Variants in TRMU observed in about 807,000 individuals in gnomAD.
TRMU encodes tRNA mitochondrial 2-thiouridylase, also known as mitochondrial tRNA-specific 2-thiouridylase 1.
In TRMU, 49 loss-of-function variants were observed where a neutral mutation model predicts 46.9. That is an observed-to-expected ratio of 1.05 (90% CI 0.83 to 1.33). The LOEUF (loss-of-function observed/expected upper bound fraction) is 1.33, where lower values mean the gene tolerates loss of function less well. Ranked by LOEUF, TRMU falls within the 40% of genes most tolerant of loss-of-function variation. The pLI, the probability that TRMU is intolerant of heterozygous loss-of-function variation, is 0.00. For synonymous variants in TRMU, 241 were observed against 200.9 expected (o/e 1.20, Z -1.69); for missense variants, 572 against 532.4 (o/e 1.07, Z -0.73).
At chr22:46,356,570 C>A (rs1053848049) in intron 10 of TRMU, 16 of 530,608 alleles carry the variant, frequency 3.0e-5, no homozygotes, top group Non-Finnish European at 4.8e-5. Context: ...GGTGCAGAGA[C>A]CTGCCAGTCC....
At position 46,347,831 on chromosome 22, in the gene TRMU, C is replaced by G. The variant is rs1569074184; in HGVS notation, c.478+1287C>G. Among the ~76,000 whole-genome samples the G allele has an allele frequency of 6.6e-6, 1 of 152,208 alleles. No individual in the cohort carries two copies. The highest frequency in any genetic ancestry group is 1.9e-4 in the East Asian group (1 of 5,198). ...CCTGCTGCTTCTGCTGGGTCAGGCC[C>G]CAGCTGAGTTCTTTCCTCAGCGTTG... On this transcript the variant is annotated intron_variant, in intron 4 of 10. Transcript: ENST00000645190. This position sits in a 1 kb window ranked among gnomAD's most constrained non-coding sequence, Gnocchi z 5.0.
At chr22:46,345,627 T>C (rs111614200) in intron 3 of TRMU, among the ~76,000 whole-genome samples, 1,584 of 152,328 alleles carry the variant, frequency 0.01, 33 homozygotes, top group African/African-American at 0.036. Context: ...CGTGGAATCA[T>C]GGTGTTACAT....
At chr22:46,340,019 G>T (rs551095360) in intron 2 of TRMU, among the ~76,000 whole-genome samples, 1 of 152,258 alleles carries the variant, frequency 6.6e-6, no homozygotes, top group South Asian at 2.1e-4. Context: ...AAGTGCTGTT[G>T]CTGGAGATTT....
chr22:46,343,482 C>G (rs929608635), intron 3 of TRMU, 114 bp downstream of exon 3: 1 of 784,814 alleles, frequency 1.3e-6, no homozygotes, highest in Non-Finnish European at 2.1e-6. Context: ...ACCTCCTGGG[C>G]TCAAGAGATT....
At chr22:46,345,436 T>C (rs2078227490) in intron 3 of TRMU, among the ~76,000 whole-genome samples, 1 of 152,224 alleles carries the variant, frequency 6.6e-6, no homozygotes, top group Non-Finnish European at 1.5e-5. Context: ...TGTTAGGCTC[T>C]TTGGCTTTGT....
In TRMU at chr22:46,347,386, CT is replaced by C. The variant is rs1400649388; in HGVS notation, c.478+843del. On this transcript the variant is annotated intron_variant, in intron 4 of 10. Coordinates refer to ENST00000645190, the MANE Select transcript of TRMU (RefSeq NM_018006.5). This position sits in a 1 kb window ranked among gnomAD's most constrained non-coding sequence, Gnocchi z 5.0. The stretch of plus-strand genomic sequence containing the variant: ...TATTTTTTTGAGAGAGGATCTCACT[CT>C]GTCAACCGGGCTGGAGTACAGTGGC... The C allele has an allele frequency of 6.6e-6, 1 of 152,104 alleles. No individual in the cohort carries two copies. The highest frequency in any genetic ancestry group is 1.5e-5 in the Non-Finnish European group (1 of 68,026). 9.4% of individuals were successfully genotyped at this position (152,104 alleles called of 1,614,324 possible).
chr22:46,357,114 A>G lies in TRMU; in HGVS notation c.*108A>G. On this transcript the variant is annotated 3_prime_UTR_variant, in exon 11 of 11. Coordinates refer to ENST00000645190, the MANE Select transcript of TRMU (RefSeq NM_018006.5). ...AGCTTGCTGCTGCCCAAAGCAGAGGAAGCCGGGCTGGCTGAGGGTCCGAAA... is the reference window on the plus strand; with the variant it reads ...AGCTTGCTGCTGCCCAAAGCAGAGGGAGCCGGGCTGGCTGAGGGTCCGAAA... The G allele has an allele frequency of 6.6e-7, 1 of 1,512,402 alleles. No homozygotes were observed. Among genetic ancestry groups the G allele is most frequent in the Non-Finnish European group, 9.0e-7 (1 of 1,111,820 alleles). 93.7% of individuals were successfully genotyped at this position (1,512,402 alleles called of 1,614,324 possible). A position where few individuals can be genotyped will look rare whatever the true frequency, so the allele number is the denominator to read the frequency against.
At chr22:46,343,190 T>A in intron 2 of TRMU, 72 bp from the exon 3 acceptor site, 1 of 1,121,914 alleles carries the variant, frequency 8.9e-7, no homozygotes, top group Middle Eastern at 2.1e-4. Flanking sequence ...AAACAAGCAA[T>A]TTAGTGAACT....
chr22:46,352,696 G>A (rs1223031814), intron 7 of TRMU: 4 of 370,304 alleles, frequency 1.1e-5, no homozygotes, highest in East Asian at 6.7e-5. Context: ...TAAGGTGGAC[G>A]TCCCGGCATG....
rs1403880555 is a variant in TRMU at position 46,338,683 on chromosome 22, A to G, written c.248+739A>G. ...AAATGGGGTAACGAGAGCAGCGTGAAGGGGAGAAGAAATGCTGATTGTGTA... is the reference window on the plus strand; with the variant it reads ...AAATGGGGTAACGAGAGCAGCGTGAGGGGGAGAAGAAATGCTGATTGTGTA... On this transcript the variant is annotated intron_variant, in intron 2 of 10. Coordinates refer to ENST00000645190, the MANE Select transcript of TRMU (RefSeq NM_018006.5). This position sits in a 1 kb window ranked among gnomAD's most constrained non-coding sequence, Gnocchi z 4.5. Among the ~76,000 whole-genome samples the G allele has an allele frequency of 6.6e-6, 1 of 152,236 alleles. No individual in the cohort carries two copies. The highest frequency in any genetic ancestry group is 1.5e-5 in the Non-Finnish European group (1 of 68,044).
intron 3 of TRMU, 105 bp from the exon 4 acceptor site, chr22:46,346,317 C>G (rs985349782): frequency 7.0e-7 from 1 of 1,434,404 alleles, no homozygotes; most frequent in Non-Finnish European, 9.3e-7. Flanking sequence ...GCCCCTCAGC[C>G]TAAGACTTGG....
chr22:46,341,019 C>T (rs2078109281), intron 2 of TRMU, among the ~76,000 whole-genome samples: 1 of 152,228 alleles, frequency 6.6e-6, no homozygotes, highest in Non-Finnish European at 1.5e-5. Context: ...CTTTTGCATT[C>T]TTTCATTCAA....
chr22:46,354,663 T>G (rs2078542115), intron 8 of TRMU: 1 of 152,576 alleles, frequency 6.6e-6, no homozygotes, highest in Non-Finnish European at 1.5e-5. Flanking sequence ...TAGGAAGACC[T>G]GTGGGGAGAA....
intron 3 of TRMU, among the ~76,000 whole-genome samples, chr22:46,345,844 T>C (rs1382413818): frequency 6.6e-6 from 1 of 151,858 alleles, no homozygotes. Flanking sequence ...CTTGGCTTCC[T>C]GCAGCCTCAA....
chr22:46,337,101 A>C (rs1021905644), intron 1 of TRMU, among the ~76,000 whole-genome samples: 9 of 152,090 alleles, frequency 5.9e-5, no homozygotes, highest in Admixed American at 2.0e-4. Flanking sequence ...GTTTTGACAA[A>C]GCTTTGTCAT....
intron 8 of TRMU, chr22:46,354,549 C>T (rs2147107845): frequency 6.5e-6 from 1 of 153,016 alleles, no homozygotes; most frequent in South Asian, 2.1e-4. Flanking sequence ...CTCTCAGCAC[C>T]CTGGCTGCCG....
rs139970019 is a variant in TRMU, at chr22:46,344,087, A to G, written c.355+719A>G. On this transcript the variant is annotated intron_variant, in intron 3 of 10. Transcript: ENST00000645190. ...TCAACATTGGGCTAACACCAAAAAC[A>G]TGAAACTTAATAGAGATAAATGCAA... Among the ~76,000 whole-genome samples the G allele has an allele frequency of 3.3e-3, 509 of 152,380 alleles. 1 individual carries two copies. Among genetic ancestry groups the G allele is most frequent in the African/African-American group, 0.012 (479 of 41,594 alleles).
rs115503084 is a variant in TRMU at position 46,351,104 on chromosome 22, G to A, written c.651+641G>A. Among the ~76,000 whole-genome samples the A allele has an allele frequency of 6.1e-3, 924 of 152,082 alleles. 9 individuals carry two copies. Among genetic ancestry groups the A allele is most frequent in the African/African-American group, 0.021 (865 of 41,564 alleles). The stretch of plus-strand genomic sequence containing the variant: ...GGAGATGCCAAAAACGGCCTCAAAA[G>A]AAGTCACATGGAACCTGAGACCTGA... On this transcript the variant is annotated intron_variant, in intron 5 of 10. Coordinates refer to ENST00000645190, the MANE Select transcript of TRMU (RefSeq NM_018006.5). The surrounding 1 kb of genome is among the most constrained non-coding windows in gnomAD (Gnocchi z 6.4).
At chr22:46,341,148 G>A (rs1380519252) in intron 2 of TRMU, among the ~76,000 whole-genome samples, 1 of 152,202 alleles carries the variant, frequency 6.6e-6, no homozygotes, top group African/African-American at 2.4e-5. Flanking sequence ...AGAAGAGGCT[G>A]GGCTACTCCA....
Sources: gnomAD v4.1 joint callset for allele counts (sites outside exome capture counted in the v4.1 genomes callset) on GRCh38, gnomAD v4.1.1 for gene constraint, Gnocchi (gnomAD v3.1) non-coding constraint, MANE v1.5 for transcripts, NCBI Gene and HGNC (gene_info 2026-07-23, HGNC 2026-07-21) for gene names.